Variants in ACSM1 observed in about 807,000 individuals in gnomAD.
ACSM1 encodes the protein acyl-CoA synthetase medium chain family member 1.
A neutral mutation model predicts 75.8 loss-of-function variants in ACSM1; 79 were observed. The observed-to-expected ratio is 1.04, with a 90% CI of 0.87 to 1.26. The LOEUF is 1.26. ACSM1 is among the 50% of genes most tolerant of loss of function. The pLI is 0.00. For missense variants in ACSM1, 676 were observed against 720.1 expected (o/e 0.94, Z 0.70); for synonymous variants, 279 against 265.8 (o/e 1.05, Z -0.48).
At chr16:20,672,381 T>C (rs234272) in intron 4 of ACSM1, among the ~76,000 whole-genome samples, 79,977 of 136,264 alleles carry the variant, frequency 0.59, 24,607 homozygotes, top group East Asian at 0.86. Flanking sequence ...CCTGGGAGGC[T>C]GAGCTTGCAG....
chr16:20,696,475 C>G (rs1741647819), intron 1 of ACSM1, among the ~76,000 whole-genome samples: 1 of 152,238 alleles, frequency 6.6e-6, no homozygotes, highest in African/African-American at 2.4e-5. Context: ...AGAGAAAAGC[C>G]AGTGTGCCCA....
intron 2 of ACSM1, among the ~76,000 whole-genome samples, chr16:20,687,100 T>C (rs1045322736): frequency 5.3e-5 from 8 of 151,782 alleles, no homozygotes; most frequent in African/African-American, 1.9e-4. Context: ...GGAGTGAAAC[T>C]TGTTTACAAT....
intron 4 of ACSM1, chr16:20,681,843 T>C (rs1375732709): frequency 6.4e-6 from 1 of 155,672 alleles, no homozygotes; most frequent in East Asian, 1.9e-4. Context: ...CACTGCCTGT[T>C]TTTCCGTCTG....
chr16:20,631,865 C>T (rs563148782), intron 10 of ACSM1, among the ~76,000 whole-genome samples: 2 of 152,176 alleles, frequency 1.3e-5, no homozygotes, highest in South Asian at 4.1e-4. Flanking sequence ...GACTAGAGGG[C>T]AAAGTTGGCA....
chr16:20,651,326 A>G (rs2018633945), intron 7 of ACSM1, among the ~76,000 whole-genome samples: 1 of 152,146 alleles, frequency 6.6e-6, no homozygotes, highest in Admixed American at 6.6e-5. Context: ...CAATATTTTC[A>G]TGACTAAAAA....
At chr16:20,627,007 T>C (rs1344045592) in intron 11 of ACSM1, among the ~76,000 whole-genome samples, 182 bp downstream of exon 11, 1 of 152,130 alleles carries the variant, frequency 6.6e-6, no homozygotes, top group Non-Finnish European at 1.5e-5. Context: ...TTTTGCTTGA[T>C]TCTTCTGCGT....
chr16:20,674,227 T>C, intron 4 of ACSM1: 2 of 318,192 alleles, frequency 6.3e-6, no homozygotes, highest in South Asian at 2.4e-5. Context: ...TGCCTGTTTC[T>C]CTGTCTGTGG....
chr16:20,671,005 C>T (rs1179679865), intron 5 of ACSM1, among the ~76,000 whole-genome samples: 4 of 152,152 alleles, frequency 2.6e-5, no homozygotes, highest in Non-Finnish European at 5.9e-5. Flanking sequence ...AAATAATTAA[C>T]CCAAGGATAG....
At chr16:20,690,049 G>A (rs2079624807) in intron 2 of ACSM1, among the ~76,000 whole-genome samples, 1 of 152,230 alleles carries the variant, frequency 6.6e-6, no homozygotes, top group Non-Finnish European at 1.5e-5. Context: ...AATGCTCTCT[G>A]TAACTGAGGG....
At chr16:20,690,614 T>C (rs893176159) in intron 2 of ACSM1, among the ~76,000 whole-genome samples, 2 of 152,224 alleles carry the variant, frequency 1.3e-5, no homozygotes, top group African/African-American at 4.8e-5. Context: ...AAGCCCAAGT[T>C]TGATGACATG....
chr16:20,640,504 C>T lies in ACSM1; in HGVS notation c.1073G>A (p.Arg358Gln), dbSNP rs763221055. ...GTTCTCGTAGAGCAGAAGGCCCGTC[C>T]GTCTTTTCCACTCCTCCTGATCCTT... The part of the protein sequence containing the change: ...LPKDQEEWKR[R>Q]TGLLLYENYG... Residue 358 changes from arginine to glutamine, a missense_variant, in exon 8 of 14, where the codon CGG (arginine) becomes CAG (glutamine). Coordinates refer to ENST00000520010, the MANE Select transcript of ACSM1 (RefSeq NM_001318890.3). The T allele has an allele frequency of 5.7e-5, 92 of 1,614,036 alleles. No homozygotes were observed. The highest frequency in any genetic ancestry group is 1.6e-4 in the Middle Eastern group (1 of 6,082).
In ACSM1 at chr16:20,660,880, A is replaced by G. The variant is rs533071708; in HGVS notation, c.992+914T>C. ...GATGCAAAAATAAAGTTGTATTAAG[A>G]TAACACCACACACCCACCAGCCTGG... On this transcript the variant is annotated intron_variant, in intron 7 of 13. Transcript: ENST00000520010. Among the ~76,000 whole-genome samples, 3 of 152,326 alleles carry G rather than the reference A, an allele frequency of 2.0e-5. No individual in the cohort carries two copies. In the East Asian group the frequency reaches 5.8e-4, roughly 29 times the overall value.
intron 7 of ACSM1, among the ~76,000 whole-genome samples, chr16:20,657,617 T>TTA (rs1555470424): frequency 3.3e-5 from 5 of 152,058 alleles, no homozygotes; most frequent in Admixed American, 2.6e-4. Flanking sequence ...TGTTTTTTTT[T>TTA]TTATTATACC....
chr16:20,660,143 C>CT (rs1346498561), intron 7 of ACSM1, among the ~76,000 whole-genome samples: 2 of 152,316 alleles, frequency 1.3e-5, no homozygotes, highest in Middle Eastern at 3.4e-3. Flanking sequence ...CAGAGTTTCA[C>CT]TTTTTTCATC....
intron 4 of ACSM1, among the ~76,000 whole-genome samples, chr16:20,672,471 A>AAAAAAAAAAAAAATAT (rs1555473775): frequency 4.6e-5 from 3 of 64,572 alleles, no homozygotes; most frequent in Non-Finnish European, 7.9e-5. Context: ...AAAAAAAAAA[A>AAAAAAAAAAAAAATAT]ATATATATAT....
chr16:20,647,458 A>G (rs1216883495), intron 7 of ACSM1, among the ~76,000 whole-genome samples: 1 of 152,228 alleles, frequency 6.6e-6, no homozygotes, highest in Admixed American at 6.5e-5. Context: ...ATGAAGTTAC[A>G]GAAGATAGAC....
At chr16:20,691,826 T>C (rs2079656976) in intron 1 of ACSM1, among the ~76,000 whole-genome samples, 1 of 151,656 alleles carries the variant, frequency 6.6e-6, no homozygotes, top group Admixed American at 6.6e-5. Flanking sequence ...GATTTAAATA[T>C]ATCAGGCTGT....
chr16:20,635,351 C>T (rs1034658358), intron 10 of ACSM1, among the ~76,000 whole-genome samples: 3 of 152,146 alleles, frequency 2.0e-5, no homozygotes, highest in South Asian at 4.1e-4. Flanking sequence ...ACTTTAATCA[C>T]GCTCCTGCAC....
Position 20,661,837 on chromosome 16 carries a change from C to T in ACSM1, c.949G>A (p.Val317Ile). The T allele has an allele frequency of 6.2e-7, 1 of 1,609,560 alleles. No individual in the cohort carries two copies. Among genetic ancestry groups the T allele is most frequent in the Non-Finnish European group, 8.5e-7 (1 of 1,176,826 alleles). The change falls in exon 7 of 14, where the codon GTA becomes ATA. Residue 317 changes from valine (V) to isoleucine (I), a missense_variant. By Grantham distance (29) the Val-to-Ile change is conservative (BLOSUM62 3). Coordinates refer to ENST00000520010, the MANE Select transcript of ACSM1 (RefSeq NM_001318890.3). ...AGAATCATTCGATATATAGATGATACCCCCCAAAAGTGGTTAATGGGGTAT... is the reference window on the plus strand; with the variant it reads ...AGAATCATTCGATATATAGATGATATCCCCCAAAAGTGGTTAATGGGGTAT... ...LKYPINHFWGVSSIYRMILQQ... is the reference protein window; with the variant it reads ...LKYPINHFWGISSIYRMILQQ...
Sources: gnomAD v4.1 joint callset for allele counts (sites outside exome capture counted in the v4.1 genomes callset) on GRCh38, gnomAD v4.1.1 for gene constraint, MANE v1.5 for transcripts, NCBI Gene and HGNC (gene_info 2026-07-23, HGNC 2026-07-21) for gene names.